The following SMARCA2 variants were observed in gnomAD, a reference collection of about 807,000 sequenced individuals.
SMARCA2 encodes the protein SWI/SNF related BAF chromatin remodeling complex subunit ATPase 2.
SMARCA2 carries 61 observed loss-of-function variants against 199.8 expected under a neutral mutation model. That is an observed-to-expected ratio of 0.31 (90% CI 0.25 to 0.38). SMARCA2 has a LOEUF of 0.38. Ranked by LOEUF, SMARCA2 falls within the 10% of genes least tolerant of loss-of-function variation. SMARCA2 has a pLI of 1.00. For synonymous variants in SMARCA2, 935 were observed against 732.0 expected, an observed-to-expected ratio of 1.28 and a Z score of -4.48; for missense variants, 1,344 against 2,012.2, an observed-to-expected ratio of 0.67 and a Z score of 6.35.
intron 23 of SMARCA2, among the ~76,000 whole-genome samples, chr9:2,108,678 T>C (rs1284292523): frequency 6.6e-6 from 1 of 152,218 alleles, no homozygotes; most frequent in Non-Finnish European, 1.5e-5. Context: ...AAAAAATTCT[T>C]GTAGCTGGAA....
chr9:2,096,129 C>T (rs1407720349), intron 19 of SMARCA2, among the ~76,000 whole-genome samples: 2 of 152,150 alleles, frequency 1.3e-5, no homozygotes, highest in Admixed American at 6.5e-5. Flanking sequence ...CCTGCCATTT[C>T]TCAAGAGTAG....
At chr9:2,149,710 A>G in intron 27 of SMARCA2, among the ~76,000 whole-genome samples, 1 of 151,368 alleles carries the variant, frequency 6.6e-6, no homozygotes, top group East Asian at 1.9e-4. Flanking sequence ...ACAGAGCCAA[A>G]CCATATCACT....
At chr9:2,045,654 C>T (rs1182968714) in intron 4 of SMARCA2, 1 of 151,968 alleles carries the variant, frequency 6.6e-6, no homozygotes, top group African/African-American at 2.4e-5. Context: ...GGTACATCTA[C>T]AATACCTAAA....
intron 23 of SMARCA2, among the ~76,000 whole-genome samples, chr9:2,105,364 G>T (rs149415022): frequency 0.023 from 3,458 of 152,040 alleles, 119 homozygotes; most frequent in African/African-American, 0.079. Flanking sequence ...TCCTGCCTCA[G>T]CCTCCCGAGT....
chr9:2,163,869 C>T (rs1480033706), intron 28 of SMARCA2, among the ~76,000 whole-genome samples: 2 of 151,988 alleles, frequency 1.3e-5, no homozygotes, highest in Non-Finnish European at 2.9e-5. Context: ...GACATACTGC[C>T]AACAGATTCG....
intron 22 of SMARCA2, among the ~76,000 whole-genome samples, chr9:2,102,466 A>G (rs187591577): frequency 6.6e-6 from 1 of 152,326 alleles, no homozygotes; most frequent in East Asian, 1.9e-4. Context: ...TGTTAGAAAT[A>G]ACATATCCTG....
At chr9:2,092,058 G>T (rs1363990837) in intron 19 of SMARCA2, among the ~76,000 whole-genome samples, 1 of 152,070 alleles carries the variant, frequency 6.6e-6, no homozygotes, top group African/African-American at 2.4e-5. Context: ...TTATGCACGG[G>T]AAAGAATGCC....
intron 12 of SMARCA2, among the ~76,000 whole-genome samples, chr9:2,075,697 G>T (rs1435344625): frequency 2.6e-5 from 4 of 152,106 alleles, no homozygotes; most frequent in Admixed American, 2.6e-4. Flanking sequence ...CGCTCTTGTT[G>T]TCCAGGCTGG....
chr9:2,178,151 T>C (rs749551631), intron 29 of SMARCA2, among the ~76,000 whole-genome samples: 10 of 152,178 alleles, frequency 6.6e-5, no homozygotes, highest in Non-Finnish European at 1.0e-4. Flanking sequence ...TCTCGTACTC[T>C]ATGGTCTCAT....
At chr9:2,099,539 A>G (rs1822416303) in intron 21 of SMARCA2, among the ~76,000 whole-genome samples, 1 of 152,172 alleles carries the variant, frequency 6.6e-6, no homozygotes, top group East Asian at 1.9e-4. Context: ...GGAATCATGA[A>G]GGAAGCGAAG....
intron 26 of SMARCA2, among the ~76,000 whole-genome samples, chr9:2,122,191 G>A (rs1195574895): frequency 6.6e-6 from 1 of 152,104 alleles, no homozygotes; most frequent in African/African-American, 2.4e-5. Flanking sequence ...AAATATATTA[G>A]CAAGAATAAT....
In SMARCA2 at chr9:2,023,724, C is replaced by A. The variant is rs113669195; in HGVS notation, c.-36-5263C>A. On this transcript the variant is annotated intron_variant, in intron 1 of 33. Transcript: ENST00000349721. ...GCATTGCTGTTCTCCTTACCCACCC[C>A]GCACTGCTTCCCCATTAAGAATAAC... Among the ~76,000 whole-genome samples, 319 of 152,320 alleles carry A rather than the reference C, an allele frequency of 2.1e-3. 2 individuals are homozygous for A. The highest frequency in any genetic ancestry group is 7.0e-3 in the African/African-American group (292 of 41,552).
rs922760729 is a variant in SMARCA2 at position 2,065,837 on chromosome 9, C to T, written c.1693-4581C>T. Among the ~76,000 whole-genome samples the T allele has an allele frequency of 2.6e-5, 4 of 151,992 alleles. 1 individual carries two copies. Among genetic ancestry groups the T allele is most frequent in the East Asian group, 1.9e-4 (1 of 5,202 alleles). On this transcript the variant is annotated intron_variant, in intron 9 of 33. Transcript: ENST00000349721. ...GTGTAGGAACTATTGTAAGGATAGG[C>T]GAACACAATGCCACAGTGATTAGAT...
chr9:2,133,475 A>T (rs1322555048), intron 27 of SMARCA2, among the ~76,000 whole-genome samples: 1 of 151,744 alleles, frequency 6.6e-6, no homozygotes, highest in Non-Finnish European at 1.5e-5. Context: ...TACAGACAGG[A>T]TGTCACTCAA....
At chr9:2,066,025 G>A (rs893917387) in intron 9 of SMARCA2, among the ~76,000 whole-genome samples, 7 of 152,042 alleles carry the variant, frequency 4.6e-5, no homozygotes, top group African/African-American at 1.7e-4. Flanking sequence ...CATATCCCTG[G>A]GCATTTTTTA....
At position 2,096,110 on chromosome 9, in the gene SMARCA2, A is replaced by C. The variant is rs533354602; in HGVS notation, c.2884-547A>C. On this transcript the variant is annotated intron_variant, in intron 19 of 33. Transcript: ENST00000349721. ...AATTTCTCTTCCACCTGTTCTCACTATGTTGTATCCTGCCATTTCTCAAGA... is the reference window on the plus strand; with the variant it reads ...AATTTCTCTTCCACCTGTTCTCACTCTGTTGTATCCTGCCATTTCTCAAGA... 5.3e-5 allele frequency among the ~76,000 whole-genome samples: 8 copies of C among 152,270 alleles called. No individual in the cohort carries two copies. In the East Asian group the frequency reaches 1.5e-3, roughly 29 times the overall value.
intron 8 of SMARCA2, among the ~76,000 whole-genome samples, chr9:2,060,480 T>C (rs1820540299): frequency 6.6e-6 from 1 of 152,260 alleles, no homozygotes; most frequent in Non-Finnish European, 1.5e-5. Flanking sequence ...AGATAAAGTT[T>C]AGATCATGAA....
At chr9:2,076,433 T>A in intron 13 of SMARCA2, 104 bp downstream of exon 13, 2 of 745,810 alleles carry the variant, frequency 2.7e-6, no homozygotes, top group East Asian at 5.0e-5. Flanking sequence ...ACTTCACGCC[T>A]ACACTCTGCT....
intron 13 of SMARCA2, among the ~76,000 whole-genome samples, chr9:2,077,356 A>G (rs1821373631): frequency 6.6e-6 from 1 of 152,178 alleles, no homozygotes; most frequent in Non-Finnish European, 1.5e-5. Context: ...TCCTGGTTTC[A>G]CTACCTTTTA....
Sources: allele counts gnomAD v4.1 joint callset (sites outside exome capture counted in the v4.1 genomes callset), GRCh38; gene constraint gnomAD v4.1.1; transcripts MANE v1.5; gene names NCBI Gene and HGNC (gene_info 2026-07-23, HGNC 2026-07-21).